Variants in RC3H2 observed in about 807,000 individuals in gnomAD.
RC3H2 encodes the protein ring finger and CCCH-type domains 2, also known as roquin-2.
A neutral mutation model predicts 133.3 loss-of-function variants in RC3H2; 31 were observed. The ratio of observed to expected loss-of-function variants is 0.23; its 90% confidence interval spans 0.17 to 0.31. The LOEUF (loss-of-function observed/expected upper bound fraction) is 0.31, where lower values mean the gene tolerates loss of function less well. RC3H2 is among the 10% of genes least tolerant of loss of function. The pLI is 1.00. For missense variants in RC3H2, 1,175 were observed against 1,437.2 expected (o/e 0.82, Z 2.95); for synonymous variants, 517 against 502.2 (o/e 1.03, Z -0.40).
intron 8 of RC3H2, among the ~76,000 whole-genome samples, chr9:122,877,785 C>T (rs78398821): frequency 0.016 from 2,424 of 152,266 alleles, 33 homozygotes; most frequent in South Asian, 0.065. Flanking sequence ...TTCAGATATT[C>T]CTTCTGAAGA....
intron 1 of RC3H2, 115 bp from the exon 2 acceptor site, chr9:122,897,691 T>C: frequency 1.4e-6 from 1 of 713,428 alleles, no homozygotes; most frequent in South Asian, 2.1e-5. Context: ...AATAATTTTA[T>C]AACCTTTGGA....
Position 122,858,976 on chromosome 9 carries a change from C to T in RC3H2, c.1976G>A (p.Ser659Asn), listed in dbSNP as rs776976109. The change falls in exon 12 of 21, where the codon AGT (serine) becomes AAT (asparagine). Residue 659 changes from serine to asparagine, a missense_variant. By Grantham distance (46) the Ser-to-Asn change is conservative. Around this residue, in one of 8 missense-constraint regions of RC3H2, gnomAD observed 490 missense variants for 492.8 expected, o/e 0.99. Coordinates refer to ENST00000357244, the MANE Select transcript of RC3H2 (RefSeq NM_001100588.3). ...CATTCGATCTCGAGGGGAAAATGTA[C>T]TGTAATGATCGGCATATGGCATGGA... is the stretch of plus-strand genomic sequence containing the variant. ...PASMPYADHY[S>N]TFSPRDRMNS... The T allele has an allele frequency of 3.7e-6, 6 of 1,614,110 alleles. No homozygotes were observed. The highest frequency in any genetic ancestry group is 2.7e-5 in the African/African-American group (2 of 75,036).
intron 16 of RC3H2, 67 bp from the exon 17 acceptor site, chr9:122,854,333 CAT>C: frequency 5.1e-6 from 7 of 1,385,242 alleles, no homozygotes; most frequent in Non-Finnish European, 7.1e-6. Flanking sequence ...CAGTAATAAC[CAT>C]ATGTTTTATG....
intron 4 of RC3H2, among the ~76,000 whole-genome samples, chr9:122,887,949 T>G (rs1258792904): frequency 1.3e-5 from 2 of 152,128 alleles, no homozygotes; most frequent in Non-Finnish European, 2.9e-5. Flanking sequence ...TTCGCCATGT[T>G]GGCCAGGTTA....
At position 122,845,075 on chromosome 9, in the gene RC3H2, C is replaced by G. The variant is rs575838714; in HGVS notation, c.*4552G>C. The stretch of plus-strand genomic sequence containing the variant: ...ACATTTCAATCGAACAATAGATTTG[C>G]AAAGAAAATGTCTAATACAGACGTA... On this transcript the variant is annotated 3_prime_UTR_variant, in exon 21 of 21. Coordinates refer to ENST00000357244, the MANE Select transcript of RC3H2 (RefSeq NM_001100588.3). The G allele has an allele frequency of 6.6e-6, 1 of 152,228 alleles. No individual in the cohort carries two copies. Among genetic ancestry groups the G allele is most frequent in the South Asian group, 2.1e-4 (1 of 4,824 alleles). 9.4% of individuals were successfully genotyped at this position (152,228 alleles called of 1,614,324 possible).
At chr9:122,890,919 A>T (rs1832138628) in intron 3 of RC3H2, among the ~76,000 whole-genome samples, 1 of 151,842 alleles carries the variant, frequency 6.6e-6, no homozygotes, top group Non-Finnish European at 1.5e-5. Context: ...GAACATTTCC[A>T]TCATTACAGA....
At chr9:122,860,402 ATTC>A (rs1830411541) in intron 10 of RC3H2, among the ~76,000 whole-genome samples, 1 of 103,604 alleles carries the variant, frequency 9.7e-6, no homozygotes, top group Non-Finnish European at 1.8e-5. Flanking sequence ...CCATTTACCC[ATTC>A]TTTTTTTTTT....
At chr9:122,856,833 C>T (rs930093049) in intron 13 of RC3H2, among the ~76,000 whole-genome samples, 2 of 152,132 alleles carry the variant, frequency 1.3e-5, no homozygotes, top group Admixed American at 1.3e-4. Context: ...AGATCGGAGT[C>T]TCAGGGAAAT....
intron 8 of RC3H2, 109 bp downstream of exon 8, chr9:122,879,646 A>C (rs1233733582): frequency 1.4e-6 from 1 of 721,404 alleles, no homozygotes. Context: ...AGATGATAGA[A>C]ACTTATGAGT....
At chr9:122,905,065 A>AC (rs1421030616) in intron 1 of RC3H2, 45 bp downstream of exon 1, 3 of 983,234 alleles carry the variant, frequency 3.1e-6, no homozygotes, top group Non-Finnish European at 3.6e-6. Context: ...GGGACCAGGC[A>AC]CCCGGGCTGG....
chr9:122,857,514 T>C (rs962610276), intron 13 of RC3H2, among the ~76,000 whole-genome samples: 2 of 152,210 alleles, frequency 1.3e-5, no homozygotes, highest in African/African-American at 4.8e-5. Flanking sequence ...GGCAAATTAC[T>C]TAACTTCTGT....
At chr9:122,902,935 A>C (rs1293639422) in intron 1 of RC3H2, among the ~76,000 whole-genome samples, 2 of 152,270 alleles carry the variant, frequency 1.3e-5, no homozygotes, top group Admixed American at 6.5e-5. Flanking sequence ...ATATCATTTC[A>C]ACATGTTGTC....
Position 122,855,845 on chromosome 9 carries a change from C to T in RC3H2, c.2488G>A (p.Glu830Lys). ...SESVSGTKFEEDHLSHYSPWS... is the reference protein window; with the variant it reads ...SESVSGTKFEKDHLSHYSPWS... ...GGAGAATAATGGGAAAGATGATCTT[C>T]TTCAAATTTTGTACCACTCACACTC... Residue 830 changes from glutamate (E) to lysine (K), a missense_variant, in exon 14 of 21, where the codon GAA (glutamate) becomes AAA (lysine). Physicochemically the swap from Glu to Lys is moderately conservative, Grantham distance 56. Coordinates refer to ENST00000357244, the MANE Select transcript of RC3H2 (RefSeq NM_001100588.3). 1.2e-6 allele frequency: 2 copies of T among 1,613,360 alleles called. No homozygotes were observed. Among genetic ancestry groups the T allele is most frequent in the Non-Finnish European group, 1.7e-6 (2 of 1,179,658 alleles).
intron 8 of RC3H2, 124 bp from the exon 9 acceptor site, chr9:122,877,707 T>C: frequency 2.8e-6 from 2 of 719,196 alleles, no homozygotes; most frequent in Non-Finnish European, 4.7e-6. Flanking sequence ...AAGTAATTCT[T>C]GTGCTGAAAC....
chr9:122,877,410 T>C (rs1269848894), intron 9 of RC3H2, 61 bp downstream of exon 9: 12 of 1,309,830 alleles, frequency 9.2e-6, no homozygotes, highest in African/African-American at 1.5e-5. Flanking sequence ...CAGGACTGTA[T>C]ATAACATTCC....
At chr9:122,866,728 G>A (rs1210853044) in intron 9 of RC3H2, among the ~76,000 whole-genome samples, 3 of 152,162 alleles carry the variant, frequency 2.0e-5, no homozygotes, top group Admixed American at 2.0e-4. Flanking sequence ...CCAGGCTGGA[G>A]TGCAGTGGTG....
At chr9:122,873,225 T>G (rs1422211816) in intron 9 of RC3H2, among the ~76,000 whole-genome samples, 1 of 152,216 alleles carries the variant, frequency 6.6e-6, no homozygotes, top group African/African-American at 2.4e-5. Flanking sequence ...GGTAGCAATA[T>G]GTATTTTTTA....
rs1386489648 is a variant in RC3H2 at position 122,847,389 on chromosome 9, G to A, written c.*2238C>T. The A allele has an allele frequency of 6.6e-6, 1 of 151,968 alleles. No individual in the cohort carries two copies. Among genetic ancestry groups the A allele is most frequent in the Non-Finnish European group, 1.5e-5 (1 of 67,962 alleles). 9.4% of individuals were successfully genotyped at this position (151,968 alleles called of 1,614,324 possible). A position where few individuals can be genotyped will look rare whatever the true frequency, so the allele number is the denominator to read the frequency against. On this transcript the variant is annotated 3_prime_UTR_variant, in exon 21 of 21. Coordinates refer to ENST00000357244, the MANE Select transcript of RC3H2 (RefSeq NM_001100588.3). ...AGGGCACATAAGGAGCTCTCAAACT[G>A]TTAATAGGTCTCTATTTTGTAACAA...
At chr9:122,904,053 T>C (rs1381437095) in intron 1 of RC3H2, among the ~76,000 whole-genome samples, 1 of 152,204 alleles carries the variant, frequency 6.6e-6, no homozygotes, top group Admixed American at 6.5e-5. Context: ...GTTAGCTTTC[T>C]CAGGTTAACC....
Sources: allele counts gnomAD v4.1 joint callset (sites outside exome capture counted in the v4.1 genomes callset), GRCh38; gene constraint gnomAD v4.1.1; regional missense constraint gnomAD v4.1.1; transcripts MANE v1.5; gene names NCBI Gene and HGNC (gene_info 2026-07-23, HGNC 2026-07-21).